MAPK13: variants seen among roughly 807,000 people sequenced by gnomAD.
The protein encoded by MAPK13 is mitogen-activated protein kinase 13.
In MAPK13, 39 loss-of-function variants were observed where a neutral mutation model predicts 53.5. That is an observed-to-expected ratio of 0.73 (90% CI 0.56 to 0.95). The LOEUF (loss-of-function observed/expected upper bound fraction) is 0.95, where lower values mean the gene tolerates loss of function less well. MAPK13 is among the 40% of genes least tolerant of loss of function. The pLI, the probability that MAPK13 is intolerant of heterozygous loss-of-function variation, is 0.00. For missense variants in MAPK13, 460 were observed against 471.8 expected (o/e 0.98, Z 0.23); for synonymous variants, 179 against 190.9 (o/e 0.94, Z 0.51).
intron 8 of MAPK13, 62 bp from the exon 9 acceptor site, chr6:36,138,303 C>G: frequency 7.8e-7 from 1 of 1,282,356 alleles, no homozygotes. Context: ...ATGGTGGGGT[C>G]GCAGGAAGGG....
In MAPK13 at chr6:36,130,853, C is replaced by T; in HGVS notation, c.119+152C>T. 1 of 518,014 alleles carries T rather than the reference C, an allele frequency of 1.9e-6. No homozygotes were observed. Among genetic ancestry groups the T allele is most frequent in the Non-Finnish European group, 3.4e-6 (1 of 293,214 alleles). 32.1% of individuals were successfully genotyped at this position (518,014 alleles called of 1,614,324 possible). A position where few individuals can be genotyped will look rare whatever the true frequency, so the allele number is the denominator to read the frequency against. ...CCCGGGGCCACCCAGCGGCCATCTC[C>T]CTTTTCTCACCGAGTGGCTGAGTGA... On this transcript the variant is annotated intron_variant, in intron 1 of 11. Transcript: ENST00000211287. This position sits in a 1 kb window ranked among gnomAD's most constrained non-coding sequence, Gnocchi z 4.5.
chr6:36,139,233 G>A, intron 11 of MAPK13, 61 bp from the exon 12 acceptor site: 1 of 1,519,194 alleles, frequency 6.6e-7, no homozygotes, highest in Admixed American at 1.7e-5. Context: ...TCTCTGAAGG[G>A]GGGTGGACTT....
At position 36,138,433 on chromosome 6, in the gene MAPK13, A is replaced by C; in HGVS notation, c.751A>C (p.Asn251His). 6.2e-7 allele frequency: 1 copy of C among 1,614,006 alleles called. No homozygotes were observed. Among genetic ancestry groups the C allele is most frequent in the South Asian group, 1.1e-5 (1 of 91,060 alleles). ...VPGTEFVQKL[N>H]DKAAKSYIQS... ...TGGCACGGAGTTTGTGCAGAAGCTG[A>C]ACGACAAAGCGGTGGGTGGTAAATG... The change falls in exon 9 of 12, where the codon AAC (asparagine) becomes CAC (histidine). Residue 251 changes from asparagine to histidine, a missense_variant. Asn to His is a moderately conservative substitution (Grantham distance 68, BLOSUM62 1). Transcript: ENST00000211287.
At chr6:36,138,495 G>A (rs536899147) in intron 9 of MAPK13, 51 bp downstream of exon 9, 29 of 1,541,338 alleles carry the variant, frequency 1.9e-5, no homozygotes, top group Admixed American at 3.5e-5. Flanking sequence ...CTTGCCTGAC[G>A]TGGGCCCAGT....
In MAPK13 at chr6:36,140,520, C is replaced by T; in HGVS notation, c.*1147C>T. The T allele has an allele frequency of 6.6e-6, 1 of 152,644 alleles. No individual in the cohort carries two copies. The highest frequency in any genetic ancestry group is 1.9e-4 in the East Asian group (1 of 5,196). The allele number at this position is 152,644 out of a possible 1,614,324, so 9.5% of individuals were successfully genotyped here. A position where few individuals can be genotyped will look rare whatever the true frequency, so the allele number is the denominator to read the frequency against. ...CTTGTTAAAATGCAGATTCCTGGGC[C>T]CCACCCCAGGGCTTGTGACTCAGCA... On this transcript the variant is annotated 3_prime_UTR_variant, in exon 12 of 12. Coordinates refer to ENST00000211287, the MANE Select transcript of MAPK13 (RefSeq NM_002754.5).
In MAPK13 at chr6:36,136,965, A is replaced by G; in HGVS notation, c.682+15A>G. 1 of 1,611,212 alleles carries G rather than the reference A, an allele frequency of 6.2e-7. No individual in the cohort carries two copies. The highest frequency in any genetic ancestry group is 1.3e-5 in the African/African-American group (1 of 74,952). On this transcript the variant is annotated intron_variant, in intron 8 of 11. Transcript: ENST00000211287. ...GGGGAAAGATTGTATCCTTTGCTGG[A>G]AAAGCCAAACTCCATCTAGGGATTC...
chr6:36,130,731 G>GGGCGGGC lies in MAPK13; in HGVS notation c.119+32_119+38dup, dbSNP rs1766301072. On this transcript the variant is annotated intron_variant, in intron 1 of 11. Coordinates refer to ENST00000211287, the MANE Select transcript of MAPK13 (RefSeq NM_002754.5). This position sits in a 1 kb window ranked among gnomAD's most constrained non-coding sequence, Gnocchi z 4.5. ...GACCCCTGGGCCGCTGGGGGGCGGG[G>GGGCGGGC]GGCGGGCGCCAGGCTCTCCCCTTTC... 8.4e-7 allele frequency: 1 copy of GGGCGGGC among 1,185,344 alleles called. No homozygotes were observed. Among genetic ancestry groups the GGGCGGGC allele is most frequent in the African/African-American group, 1.6e-5 (1 of 61,304 alleles). 73.4% of individuals were successfully genotyped at this position (1,185,344 alleles called of 1,614,324 possible).
chr6:36,136,625 G>T (rs901997171), intron 6 of MAPK13, 31 bp from the exon 7 acceptor site: 2 of 1,612,498 alleles, frequency 1.2e-6, no homozygotes, highest in Admixed American at 3.3e-5. Flanking sequence ...CCCTCAGCAA[G>T]TTCCTTTTCT....
intron 8 of MAPK13, among the ~76,000 whole-genome samples, chr6:36,138,017 C>A (rs116025359): frequency 6.6e-6 from 1 of 150,426 alleles, no homozygotes; most frequent in Non-Finnish European, 1.5e-5. Context: ...TCTACCACTA[C>A]GTGGAAAATA....
rs1314379027 is a variant in MAPK13, at chr6:36,142,187, G to A, written c.*2814G>A. On this transcript the variant is annotated 3_prime_UTR_variant, in exon 12 of 12. Coordinates refer to ENST00000211287, the MANE Select transcript of MAPK13 (RefSeq NM_002754.5). The surrounding 1 kb of genome is among the most constrained non-coding windows in gnomAD (Gnocchi z 4.4). ...GTTCATTCTGCATTCACAGGTTAAA[G>A]GTCTTGACAAGTCCTGCAGTAAAGA... The A allele has an allele frequency of 2.0e-5, 3 of 152,204 alleles. No homozygotes were observed. Among genetic ancestry groups the A allele is most frequent in the African/African-American group, 7.2e-5 (3 of 41,442 alleles). 9.4% of individuals were successfully genotyped at this position (152,204 alleles called of 1,614,324 possible). A position where few individuals can be genotyped will look rare whatever the true frequency, so the allele number is the denominator to read the frequency against.
chr6:36,131,455 C>T (rs751397352), intron 2 of MAPK13, 55 bp downstream of exon 2: 235 of 1,548,856 alleles, frequency 1.5e-4, no homozygotes, highest in Non-Finnish European at 1.9e-4. Context: ...GAGTCAGGGG[C>T]AGGCGCAGGC....
At position 36,134,332 on chromosome 6, in the gene MAPK13, C is replaced by G. The variant is rs527321892; in HGVS notation, c.309-1421C>G. ...CATGTCCTTTCAAAAACAACAACAA[C>G]AACAACAACAAAAAACACAACCTAT... On this transcript the variant is annotated intron_variant, in intron 3 of 11. Transcript: ENST00000211287. Among the ~76,000 whole-genome samples the G allele has an allele frequency of 2.2e-4, 33 of 152,132 alleles. No individual in the cohort carries two copies. In the South Asian group the frequency reaches 6.8e-3, roughly 32 times the overall value.
Position 36,135,735 on chromosome 6 carries a change from A to AC in MAPK13, c.309-14dup. On this transcript the variant is annotated splice_polypyrimidine_tract_variant and intron_variant, in intron 3 of 11. Coordinates refer to ENST00000211287, the MANE Select transcript of MAPK13 (RefSeq NM_002754.5). ...GGTGGGACCCGGCACTGTTCCAAGA[A>AC]CCCCTCATGCCTTCCAGCTACCTGG... 6.3e-7 allele frequency: 1 copy of AC among 1,587,966 alleles called. No individual in the cohort carries two copies. The highest frequency in any genetic ancestry group is 1.1e-5 in the South Asian group (1 of 89,346).
At chr6:36,132,597 C>T in intron 2 of MAPK13, 24 bp from the exon 3 acceptor site, 2 of 1,612,702 alleles carry the variant, frequency 1.2e-6, no homozygotes, top group Non-Finnish European at 1.7e-6. Context: ...TCTGTCTAGC[C>T]CTCACAGGTG....
rs1766541969 is a variant in MAPK13 at position 36,142,058 on chromosome 6, C to T, written c.*2685C>T. On this transcript the variant is annotated 3_prime_UTR_variant, in exon 12 of 12. Coordinates refer to ENST00000211287, the MANE Select transcript of MAPK13 (RefSeq NM_002754.5). The surrounding 1 kb of genome is among the most constrained non-coding windows in gnomAD (Gnocchi z 4.4). ...AGTCTAGCCTTCCTTCTTGGCCTGG[C>T]ATTCAAAACCCCTTGTGTTCTCTCT... The T allele has an allele frequency of 6.6e-6, 1 of 152,408 alleles. No individual in the cohort carries two copies. The highest frequency in any genetic ancestry group is 2.4e-5 in the African/African-American group (1 of 41,448). The allele number at this position is 152,408 out of a possible 1,614,324, so 9.4% of individuals were successfully genotyped here.
At chr6:36,134,817 C>A (rs375278653) in intron 3 of MAPK13, among the ~76,000 whole-genome samples, 1 of 152,080 alleles carries the variant, frequency 6.6e-6, no homozygotes, top group African/African-American at 2.4e-5. Flanking sequence ...AGTTCGAGAC[C>A]AGCCTGGCCA....
intron 3 of MAPK13, among the ~76,000 whole-genome samples, chr6:36,133,064 G>A (rs748594969): frequency 1.3e-5 from 2 of 152,256 alleles, no homozygotes; most frequent in East Asian, 1.9e-4. Context: ...CAAGGATTAA[G>A]AAGCCTTGGC....
intron 9 of MAPK13, 112 bp from the exon 10 acceptor site, chr6:36,138,590 C>G: frequency 7.8e-7 from 1 of 1,282,612 alleles, no homozygotes. Flanking sequence ...GTCTTAATCT[C>G]ACCGTGGACC....
chr6:36,134,821 C>T (rs1766383870), intron 3 of MAPK13, among the ~76,000 whole-genome samples: 1 of 152,128 alleles, frequency 6.6e-6, no homozygotes, highest in Admixed American at 6.6e-5. Context: ...CGAGACCAGC[C>T]TGGCCAACAT....
Sources: gnomAD v4.1 joint callset for allele counts (sites outside exome capture counted in the v4.1 genomes callset) on GRCh38, gnomAD v4.1.1 for gene constraint, Gnocchi (gnomAD v3.1) non-coding constraint, MANE v1.5 for transcripts, NCBI Gene and HGNC (gene_info 2026-07-23, HGNC 2026-07-21) for gene names.